Variants in XKR6 observed in about 807,000 individuals in gnomAD.
XKR6 encodes the protein XK related 6.
A neutral mutation model predicts 56.7 loss-of-function variants in XKR6; 22 were observed. The ratio of observed to expected loss-of-function variants is 0.39; its 90% CI spans 0.28 to 0.55. XKR6 has a LOEUF of 0.55. Among genes scored for constraint, XKR6 ranks in the 20% least tolerant of loss-of-function variants. XKR6 has a pLI of 0.66. For synonymous variants in XKR6, 524 were observed against 387.8 expected, an observed-to-expected ratio of 1.35 and a Z score of -4.13; for missense variants, 852 against 889.0, an observed-to-expected ratio of 0.96 and a Z score of 0.53.
chr8:11,143,736 T>A (rs1390192486), intron 1 of XKR6, among the ~76,000 whole-genome samples: 1 of 152,186 alleles, frequency 6.6e-6, no homozygotes, highest in East Asian at 1.9e-4. Flanking sequence ...TTTCCTGCTG[T>A]GGTCCTGGAT....
chr8:10,989,500 G>C (rs142467458), intron 1 of XKR6, among the ~76,000 whole-genome samples: 3 of 152,306 alleles, frequency 2.0e-5, no homozygotes, highest in African/African-American at 4.8e-5. Context: ...AGAAGTCCCA[G>C]GGAAGAAGAG....
chr8:11,188,366 C>G (rs999860699), intron 1 of XKR6, among the ~76,000 whole-genome samples: 1 of 152,180 alleles, frequency 6.6e-6, no homozygotes, highest in Non-Finnish European at 1.5e-5. Flanking sequence ...ATGCTACAAA[C>G]ACATTCAAAT....
chr8:10,924,193 G>C (rs760584027), intron 2 of XKR6, among the ~76,000 whole-genome samples: 7 of 152,216 alleles, frequency 4.6e-5, no homozygotes, highest in Non-Finnish European at 7.3e-5. Context: ...TTTGAAGCAA[G>C]AGCACCACAG....
chr8:11,105,290 T>C (rs1057626), intron 1 of XKR6: 73,241 of 152,082 alleles, frequency 0.48, 18,603 homozygotes, highest in Middle Eastern at 0.56. Context: ...AACAAGAACA[T>C]ACATTAGAGA....
intron 1 of XKR6, among the ~76,000 whole-genome samples, chr8:11,185,240 T>G (rs1803210339): frequency 6.6e-6 from 1 of 152,212 alleles, no homozygotes; most frequent in South Asian, 2.1e-4. Context: ...AAGAATTATC[T>G]CACGTTGCAT....
chr8:10,937,686 G>T (rs1203749787), intron 1 of XKR6, among the ~76,000 whole-genome samples: 3 of 147,932 alleles, frequency 2.0e-5, no homozygotes, highest in Non-Finnish European at 4.5e-5. Context: ...TGCCCCTGCT[G>T]GGGGGTGCCT....
At chr8:11,171,964 A>C (rs2117048993) in intron 1 of XKR6, among the ~76,000 whole-genome samples, 1 of 152,058 alleles carries the variant, frequency 6.6e-6, no homozygotes, top group Admixed American at 6.6e-5. Context: ...GAAGCAAAAG[A>C]ATCGCTTGAA....
At chr8:11,140,616 G>T (rs926854386) in intron 1 of XKR6, among the ~76,000 whole-genome samples, 1 of 152,134 alleles carries the variant, frequency 6.6e-6, no homozygotes, top group African/African-American at 2.4e-5. Context: ...AACCCTTCCT[G>T]GCCTGGCATG....
chr8:11,072,985 G>C (rs1205667883), intron 1 of XKR6, among the ~76,000 whole-genome samples: 2 of 151,994 alleles, frequency 1.3e-5, no homozygotes, highest in Admixed American at 6.6e-5. Flanking sequence ...GGGAGGCGGA[G>C]GGTGCAGTGA....
At position 10,989,134 on chromosome 8, in the gene XKR6, G is replaced by A. The variant is rs751675635; in HGVS notation, c.765-64304C>T. Among the ~76,000 whole-genome samples the A allele has an allele frequency of 2.6e-5, 4 of 152,210 alleles. No homozygotes were observed. In the South Asian group the frequency reaches 8.3e-4, roughly 32 times the overall value. ...AGCCTAGGAAGGGCATGAGCTCTGT[G>A]GAGGTTATACAAGGAGCTGGGTGAT... On this transcript the variant is annotated intron_variant, in intron 1 of 2. Coordinates refer to ENST00000416569, the MANE Select transcript of XKR6 (RefSeq NM_173683.4).
chr8:10,919,244 T>C (rs1483665235), intron 2 of XKR6, among the ~76,000 whole-genome samples: 2 of 152,228 alleles, frequency 1.3e-5, no homozygotes, highest in Non-Finnish European at 2.9e-5. Context: ...CTGTCTCTTT[T>C]CTTCCCAAGT....
chr8:11,142,587 A>G (rs1198752806), intron 1 of XKR6, among the ~76,000 whole-genome samples: 1 of 152,048 alleles, frequency 6.6e-6, no homozygotes, highest in Non-Finnish European at 1.5e-5. Context: ...ATTGCTTACA[A>G]GTGTGTGGCA....
intron 1 of XKR6, among the ~76,000 whole-genome samples, chr8:10,989,102 T>A (rs1797930191): frequency 6.6e-6 from 1 of 152,250 alleles, no homozygotes; most frequent in South Asian, 2.1e-4. Flanking sequence ...AGTGGAGTGA[T>A]GTCTGCAGCC....
At chr8:11,040,791 AC>A (rs1799267097) in intron 1 of XKR6, among the ~76,000 whole-genome samples, 1 of 152,176 alleles carries the variant, frequency 6.6e-6, no homozygotes, top group Non-Finnish European at 1.5e-5. Flanking sequence ...TAGGATGTCA[AC>A]ACATGCATTT....
intron 1 of XKR6, among the ~76,000 whole-genome samples, chr8:10,970,646 T>A (rs1442242466): frequency 6.6e-6 from 1 of 152,150 alleles, no homozygotes; most frequent in Non-Finnish European, 1.5e-5. Flanking sequence ...TTTTTCCTCA[T>A]CAGGGTGGAT....
At chr8:11,180,465 A>G (rs1050083217) in intron 1 of XKR6, among the ~76,000 whole-genome samples, 1 of 152,250 alleles carries the variant, frequency 6.6e-6, no homozygotes, top group African/African-American at 2.4e-5. Flanking sequence ...TCCAGCTGTG[A>G]CAACCAGTCC....
At chr8:11,119,736 C>G (rs1034692226) in intron 1 of XKR6, among the ~76,000 whole-genome samples, 1 of 152,050 alleles carries the variant, frequency 6.6e-6, no homozygotes. Context: ...ATACAACATA[C>G]TGAGAATTTT....
chr8:10,967,579 C>T (rs1726846457), intron 1 of XKR6, among the ~76,000 whole-genome samples: 1 of 152,162 alleles, frequency 6.6e-6, no homozygotes. Context: ...CACCAGAGTG[C>T]CCAGCCCTGG....
intron 1 of XKR6, among the ~76,000 whole-genome samples, chr8:10,931,738 C>A (rs887597038): frequency 6.6e-6 from 1 of 151,654 alleles, no homozygotes; most frequent in African/African-American, 2.4e-5. Flanking sequence ...ACGTGTAAAA[C>A]CATAAAACTT....
Sources: allele counts gnomAD v4.1 joint callset (sites outside exome capture counted in the v4.1 genomes callset), GRCh38; gene constraint gnomAD v4.1.1; transcripts MANE v1.5; gene names NCBI Gene and HGNC (gene_info 2026-07-23, HGNC 2026-07-21).